The following GDAP2 variants were observed in gnomAD, a reference collection of about 807,000 sequenced individuals.
The protein encoded by GDAP2 is ganglioside induced differentiation associated protein 2.
GDAP2 carries 51 observed loss-of-function variants against 67.0 expected under a neutral mutation model. The ratio of observed to expected loss-of-function variants is 0.76; its 90% CI spans 0.61 to 0.96. GDAP2 has a LOEUF of 0.96. Ranked by LOEUF, GDAP2 falls within the 40% of genes least tolerant of loss-of-function variation. GDAP2 has a pLI of 0.00. For synonymous variants in GDAP2, 203 were observed against 207.3 expected (o/e 0.98, Z 0.18); for missense variants, 547 against 588.3 (o/e 0.93, Z 0.73).
At chr1:117,909,400 C>A (rs1037922820) in intron 5 of GDAP2, among the ~76,000 whole-genome samples, 3 of 151,972 alleles carry the variant, frequency 2.0e-5, no homozygotes, top group Admixed American at 2.0e-4. Flanking sequence ...AAAAAAAGCA[C>A]GTGTCTTAAT....
chr1:117,887,870 T>G, intron 8 of GDAP2, 96 bp from the exon 9 acceptor site: 1 of 699,704 alleles, frequency 1.4e-6, no homozygotes, highest in Admixed American at 2.4e-5. Context: ...ACCCTAAAAA[T>G]TTTCAAGTAT....
rs748775358 is a variant in GDAP2 at position 117,886,599 on chromosome 1, A to G, written c.1085T>C (p.Val362Ala). Residue 362 changes from valine (V) to alanine (A), a missense_variant, in exon 10 of 14, where the codon GTA becomes GCA. Physicochemically the swap from Val to Ala is moderately conservative, Grantham distance 64. Transcript: ENST00000369443. The part of the protein sequence containing the change: ...VMVVVGRNIP[V>A]TLIDMDKALL... The stretch of plus-strand genomic sequence containing the variant: ...TACCTTGTCCATATCTATTAATGTT[A>G]CAGGAATGTTTCTTCCAACTACCAC... 1 of 1,571,674 alleles carries G rather than the reference A, an allele frequency of 6.4e-7. No individual in the cohort carries two copies. The highest frequency in any genetic ancestry group is 8.8e-7 in the Non-Finnish European group (1 of 1,141,576).
chr1:117,912,074 G>T lies in GDAP2; in HGVS notation c.479C>A (p.Ser160Ter). ...GACACAGAAGCCAACAGAAGACATTGACTGCTCTCTGCAACAAAGGGAAAA... is the reference window on the plus strand; with the variant it reads ...GACACAGAAGCCAACAGAAGACATTTACTGCTCTCTGCAACAAAGGGAAAA... ...RNVLQLAKEQ[S>*]MSSVGFCVIN... Residue 160 changes from serine (S) to a stop codon, truncating the protein, a stop_gained, in exon 5 of 14, where the codon TCA becomes TAA. Transcript: ENST00000369443. LOFTEE classifies it high-confidence loss of function. The T allele has an allele frequency of 6.2e-7, 1 of 1,603,132 alleles. No individual in the cohort carries two copies. Among genetic ancestry groups the T allele is most frequent in the South Asian group, 1.1e-5 (1 of 90,804 alleles).
intron 4 of GDAP2, 89 bp from the exon 5 acceptor site, chr1:117,912,171 A>ACTTCTC: frequency 1.3e-6 from 1 of 788,434 alleles, no homozygotes; most frequent in Non-Finnish European, 2.2e-6. Flanking sequence ...ATCTAGCTCA[A>ACTTCTC]CTTCTCCTTT....
chr1:117,892,080 C>T (rs1649107036), intron 8 of GDAP2, among the ~76,000 whole-genome samples: 1 of 152,108 alleles, frequency 6.6e-6, no homozygotes, highest in African/African-American at 2.4e-5. Flanking sequence ...AGAATCACTG[C>T]TGAGACACTG....
chr1:117,890,032 A>T (rs575814549), intron 8 of GDAP2, among the ~76,000 whole-genome samples: 2 of 152,260 alleles, frequency 1.3e-5, no homozygotes, highest in South Asian at 4.1e-4. Context: ...GAGATGAATT[A>T]AAAAAGGCTC....
Position 117,865,056 on chromosome 1 carries a change from G to C in GDAP2, c.*5513C>G, listed in dbSNP as rs898475686. ...CTTGTTAGAAACTGATAATCCCAGA[G>C]GCCACCCCAGAACTATTGAATCTGA... is the stretch of plus-strand genomic sequence containing the variant. On this transcript the variant is annotated 3_prime_UTR_variant, in exon 14 of 14. Transcript: ENST00000369443. 4 of 152,134 alleles carry C rather than the reference G, an allele frequency of 2.6e-5. No homozygotes were observed. Among genetic ancestry groups the C allele is most frequent in the Non-Finnish European group, 4.4e-5 (3 of 68,034 alleles). 9.4% of individuals were successfully genotyped at this position (152,134 alleles called of 1,614,324 possible).
At position 117,896,957 on chromosome 1, in the gene GDAP2, C is replaced by T; in HGVS notation, c.829G>A (p.Val277Ile). ...NQEEEDEGLG[V>I]DLSFIGSHAF... is the part of the protein sequence containing the mutation. ...TGAGAGCCAATGAAAGAGAGATCAACTCCCAAGCCTTCATCCTCCTCTTCT... is the reference window on the plus strand; with the variant it reads ...TGAGAGCCAATGAAAGAGAGATCAATTCCCAAGCCTTCATCCTCCTCTTCT... The change falls in exon 8 of 14, where the codon GTT becomes ATT. Residue 277 changes from valine to isoleucine, a missense_variant. Val to Ile is a conservative substitution (Grantham distance 29, BLOSUM62 3). Transcript: ENST00000369443. The T allele has an allele frequency of 6.2e-7, 1 of 1,610,080 alleles. No individual in the cohort carries two copies. Among genetic ancestry groups the T allele is most frequent in the Non-Finnish European group, 8.5e-7 (1 of 1,177,600 alleles).
intron 1 of GDAP2, 122 bp downstream of exon 1, chr1:117,929,326 A>G (rs2101182574): frequency 6.6e-6 from 1 of 152,414 alleles, no homozygotes; most frequent in South Asian, 2.1e-4. Context: ...GTTCTTCAAG[A>G]GAAGTGACAG....
chr1:117,896,812 A>G, intron 8 of GDAP2, 21 bp downstream of exon 8: 1 of 1,574,846 alleles, frequency 6.3e-7, no homozygotes, highest in Non-Finnish European at 8.7e-7. Flanking sequence ...TGTATCTAAC[A>G]GTCCTGAAGG....
At chr1:117,915,238 T>C (rs1306888562) in intron 3 of GDAP2, among the ~76,000 whole-genome samples, 1 of 152,164 alleles carries the variant, frequency 6.6e-6, no homozygotes, top group African/African-American at 2.4e-5. Context: ...AATGTCAAGT[T>C]TATAGGAAAT....
chr1:117,878,842 A>G (rs1648556227), intron 12 of GDAP2, among the ~76,000 whole-genome samples: 1 of 152,244 alleles, frequency 6.6e-6, no homozygotes, highest in South Asian at 2.1e-4. Flanking sequence ...CTGTTTATCT[A>G]TCTAAATTGG....
chr1:117,894,950 A>G (rs1649217396), intron 8 of GDAP2, among the ~76,000 whole-genome samples: 1 of 152,206 alleles, frequency 6.6e-6, no homozygotes, highest in Non-Finnish European at 1.5e-5. Flanking sequence ...CGATACTAAC[A>G]AATATAATTT....
chr1:117,893,006 T>G (rs1273880879), intron 8 of GDAP2, among the ~76,000 whole-genome samples: 1 of 152,204 alleles, frequency 6.6e-6, no homozygotes, highest in Non-Finnish European at 1.5e-5. Context: ...TTTTCTCCTC[T>G]GCAAGACCCT....
intron 1 of GDAP2, among the ~76,000 whole-genome samples, chr1:117,924,465 T>C (rs1437718371): frequency 6.6e-6 from 1 of 152,226 alleles, no homozygotes; most frequent in Non-Finnish European, 1.5e-5. Flanking sequence ...CATGATCTCA[T>C]GAAGTTTTTT....
At chr1:117,888,877 C>G (rs1386244420) in intron 8 of GDAP2, among the ~76,000 whole-genome samples, 7 of 152,084 alleles carry the variant, frequency 4.6e-5, no homozygotes, top group African/African-American at 1.4e-4. Context: ...AATTGCACAA[C>G]TGAAAATATT....
intron 10 of GDAP2, among the ~76,000 whole-genome samples, chr1:117,884,986 C>A (rs1192709922): frequency 6.6e-6 from 1 of 151,942 alleles, no homozygotes. Flanking sequence ...GCTGGGACTA[C>A]AGGCATGTGC....
chr1:117,891,378 C>A (rs1390442789), intron 8 of GDAP2, among the ~76,000 whole-genome samples: 3 of 151,724 alleles, frequency 2.0e-5, no homozygotes, highest in Admixed American at 2.0e-4. Flanking sequence ...AGCATTGCAC[C>A]AAATTATACT....
Position 117,868,738 on chromosome 1 carries a change from C to G in GDAP2, c.*1831G>C, listed in dbSNP as rs756022313. 6.6e-6 allele frequency: 1 copy of G among 151,542 alleles called. No individual in the cohort carries two copies. Among genetic ancestry groups the G allele is most frequent in the Non-Finnish European group, 1.5e-5 (1 of 67,928 alleles). The allele number at this position is 151,542 out of a possible 1,614,324, so 9.4% of individuals were successfully genotyped here. On this transcript the variant is annotated 3_prime_UTR_variant, in exon 14 of 14. Transcript: ENST00000369443. ...TTGCAGACTTTTAAGGTACAGTGCCCAAGGGGTTAAAAAAAAAGTACTGTT... is the reference window on the plus strand; with the variant it reads ...TTGCAGACTTTTAAGGTACAGTGCCGAAGGGGTTAAAAAAAAAGTACTGTT...
Sources: allele counts gnomAD v4.1 joint callset (sites outside exome capture counted in the v4.1 genomes callset), GRCh38; gene constraint gnomAD v4.1.1; transcripts MANE v1.5; gene names NCBI Gene and HGNC (gene_info 2026-07-23, HGNC 2026-07-21).